The following DCAF10 variants were observed in gnomAD, a reference collection of about 807,000 sequenced individuals.
DCAF10 encodes DDB1 and CUL4 associated factor 10.
A neutral mutation model predicts 51.9 loss-of-function variants in DCAF10; 19 were observed. That is an observed-to-expected ratio of 0.37 (90% confidence interval 0.26 to 0.54). DCAF10 has a LOEUF of 0.54. Ranked by LOEUF, DCAF10 falls within the 20% of genes least tolerant of loss-of-function variation. DCAF10 has a pLI of 0.87. For synonymous variants in DCAF10, 291 were observed against 297.1 expected (o/e 0.98, Z 0.21); for missense variants, 510 against 730.6 (o/e 0.70, Z 3.48).
chr9:37,843,216 T>A (rs1830384857), intron 3 of DCAF10, among the ~76,000 whole-genome samples: 1 of 151,976 alleles, frequency 6.6e-6, no homozygotes, highest in Admixed American at 6.6e-5. Context: ...GGGGTCTCGC[T>A]ATGCTGCCCA....
chr9:37,821,638 G>A (rs1829702716), intron 2 of DCAF10, among the ~76,000 whole-genome samples: 1 of 151,934 alleles, frequency 6.6e-6, no homozygotes, highest in African/African-American at 2.4e-5. Context: ...AGCTCAAGAT[G>A]GATTAAGGAC....
At chr9:37,831,292 A>C (rs1830001005) in intron 2 of DCAF10, among the ~76,000 whole-genome samples, 1 of 152,186 alleles carries the variant, frequency 6.6e-6, no homozygotes, top group Admixed American at 6.5e-5. Flanking sequence ...ATTTATTAAT[A>C]ATACTAACTT....
intron 2 of DCAF10, among the ~76,000 whole-genome samples, chr9:37,824,334 A>T (rs1396547588): frequency 6.6e-6 from 1 of 152,164 alleles, no homozygotes; most frequent in Non-Finnish European, 1.5e-5. Flanking sequence ...GGGAAGGTAT[A>T]ATATGTTAAG....
intron 1 of DCAF10, among the ~76,000 whole-genome samples, chr9:37,803,482 T>G (rs1248037684): frequency 1.3e-5 from 2 of 151,970 alleles, no homozygotes; most frequent in Non-Finnish European, 2.9e-5. Context: ...TATCTATTGT[T>G]AAATTGCCCT....
chr9:37,840,127 A>C (rs562045567), intron 2 of DCAF10, among the ~76,000 whole-genome samples: 1 of 152,360 alleles, frequency 6.6e-6, no homozygotes, highest in Admixed American at 6.5e-5. Flanking sequence ...GTTATATGCC[A>C]CATAACAACA....
At chr9:37,834,073 G>A (rs1381451044) in intron 2 of DCAF10, among the ~76,000 whole-genome samples, 2 of 152,164 alleles carry the variant, frequency 1.3e-5, no homozygotes, top group Non-Finnish European at 2.9e-5. Flanking sequence ...CCGAGTAGCT[G>A]ATATTACAGG....
At chr9:37,855,912 A>G (rs968673662) in intron 4 of DCAF10, among the ~76,000 whole-genome samples, 1 of 152,198 alleles carries the variant, frequency 6.6e-6, no homozygotes, top group African/African-American at 2.4e-5. Context: ...GCACTTTGAG[A>G]GACTGAGGTG....
intron 1 of DCAF10, among the ~76,000 whole-genome samples, chr9:37,808,825 A>ATATATATTT (rs1829240683): frequency 7.2e-6 from 1 of 139,018 alleles, no homozygotes; most frequent in Non-Finnish European, 1.5e-5. Context: ...TATAATTAAA[A>ATATATATTT]AGATAACCAG....
chr9:37,843,999 C>T (rs1830406351), intron 3 of DCAF10, among the ~76,000 whole-genome samples: 1 of 152,106 alleles, frequency 6.6e-6, no homozygotes, highest in Admixed American at 6.6e-5. Flanking sequence ...ACAGTTGTGG[C>T]TACATTAATA....
At chr9:37,823,461 T>C (rs545498553) in intron 2 of DCAF10, among the ~76,000 whole-genome samples, 2 of 152,290 alleles carry the variant, frequency 1.3e-5, no homozygotes, top group African/African-American at 4.8e-5. Context: ...TGGAGTAATA[T>C]TAATATCTTC....
intron 2 of DCAF10, among the ~76,000 whole-genome samples, chr9:37,840,457 T>A (rs764347983): frequency 2.5e-4 from 38 of 151,976 alleles, no homozygotes; most frequent in Non-Finnish European, 5.1e-4. Flanking sequence ...AATGTGTGTC[T>A]TTGTTTTTAA....
At position 37,800,844 on chromosome 9, in the gene DCAF10, AGCGGGGG is replaced by A; in HGVS notation, c.-15_-9del. The A allele has an allele frequency of 6.7e-7, 1 of 1,485,702 alleles. No individual in the cohort carries two copies. The highest frequency in any genetic ancestry group is 8.9e-7 in the Non-Finnish European group (1 of 1,124,602). The allele number at this position is 1,485,702 out of a possible 1,614,324, so 92.0% of individuals were successfully genotyped here. ...GTCGGCCGGCGGGGCAGTGGCCCGG[AGCGGGGG>A]GCGGGGGCGTTGATCATGTTTCCCT... On this transcript the variant is annotated 5_prime_UTR_variant, in exon 1 of 7. Transcript: ENST00000377724.
chr9:37,830,636 G>T (rs533010801), intron 2 of DCAF10, among the ~76,000 whole-genome samples: 85 of 152,298 alleles, frequency 5.6e-4, no homozygotes, highest in African/African-American at 1.9e-3. Context: ...AATTGATAAA[G>T]CTGAGTGGTA....
At chr9:37,855,712 A>C (rs1830827203) in intron 4 of DCAF10, among the ~76,000 whole-genome samples, 1 of 152,228 alleles carries the variant, frequency 6.6e-6, no homozygotes, top group Non-Finnish European at 1.5e-5. Flanking sequence ...ATTAAAAGGC[A>C]GCTTTGAATG....
At chr9:37,809,963 T>A (rs908642462) in intron 1 of DCAF10, among the ~76,000 whole-genome samples, 1 of 151,980 alleles carries the variant, frequency 6.6e-6, no homozygotes, top group African/African-American at 2.4e-5. Context: ...CCAGCCTGGC[T>A]AACATGGTGA....
Position 37,801,553 on chromosome 9 carries a change from G to T in DCAF10, c.539+148G>T. 1 of 1,023,514 alleles carries T rather than the reference G, an allele frequency of 9.8e-7. No individual in the cohort carries two copies. Among genetic ancestry groups the T allele is most frequent in the African/African-American group, 1.7e-5 (1 of 58,970 alleles). The allele number at this position is 1,023,514 out of a possible 1,614,324, so 63.4% of individuals were successfully genotyped here. ...GCCTTCGTGCCTCCTGGCACTTTCT[G>T]AAGCGCATTCTCGCCCTTGGAATCC... On this transcript the variant is annotated intron_variant, in intron 1 of 6. Coordinates refer to ENST00000377724, the MANE Select transcript of DCAF10 (RefSeq NM_024345.5). The surrounding 1 kb of genome is among the most constrained non-coding windows in gnomAD (Gnocchi z 5.5).
intron 3 of DCAF10, 71 bp downstream of exon 3, chr9:37,842,357 G>C: frequency 6.9e-7 from 1 of 1,445,814 alleles, no homozygotes; most frequent in South Asian, 1.3e-5. Context: ...AACAAATTCA[G>C]TGTTCTGTCC....
intron 6 of DCAF10, chr9:37,860,540 TA>T (rs1443457088): frequency 4.9e-6 from 1 of 202,560 alleles, no homozygotes; most frequent in Non-Finnish European, 1.0e-5. Flanking sequence ...ATAATAAACA[TA>T]GGTCTGAAAT....
At chr9:37,816,659 G>GGGGGGTGGGTGTGTGTGTGT (rs372664140) in intron 1 of DCAF10, among the ~76,000 whole-genome samples, 8 of 144,890 alleles carry the variant, frequency 5.5e-5, no homozygotes, top group Non-Finnish European at 9.1e-5. Context: ...CTGCACCTGG[G>GGGGGGTGGGTGTGTGTGTGT]GTGTGTGTGT....
Sources: gnomAD v4.1 joint callset for allele counts (sites outside exome capture counted in the v4.1 genomes callset) on GRCh38, gnomAD v4.1.1 for gene constraint, Gnocchi (gnomAD v3.1) non-coding constraint, MANE v1.5 for transcripts, NCBI Gene and HGNC (gene_info 2026-07-23, HGNC 2026-07-21) for gene names.